Variants in SLC25A12 observed in about 807,000 individuals in gnomAD.
SLC25A12 encodes solute carrier family 25 member 12.
SLC25A12 carries 32 observed loss-of-function variants against 83.3 expected under a neutral mutation model. That is an observed-to-expected ratio of 0.38 (90% CI 0.29 to 0.52). SLC25A12 has a LOEUF of 0.52. Ranked by LOEUF, SLC25A12 falls within the 20% of genes least tolerant of loss-of-function variation. The pLI, the probability that SLC25A12 is intolerant of heterozygous loss-of-function variation, is 0.84. For missense variants in SLC25A12, 611 were observed against 835.6 expected (o/e 0.73, Z 3.31); for synonymous variants, 267 against 291.1 (o/e 0.92, Z 0.84).
chr2:171,844,576 CT>C, intron 4 of SLC25A12, 68 bp from the exon 5 acceptor site: 1 of 1,118,326 alleles, frequency 8.9e-7, no homozygotes, highest in Non-Finnish European at 1.3e-6. Flanking sequence ...TGCAATGTTC[CT>C]ACAGAAAAAA....
chr2:171,839,542 T>A (rs1330233990), intron 5 of SLC25A12, among the ~76,000 whole-genome samples: 1 of 152,182 alleles, frequency 6.6e-6, no homozygotes, highest in Admixed American at 6.5e-5. Context: ...TGTGACTGGA[T>A]GAGAGTGAAC....
chr2:171,841,143 G>GTCGC (rs1684664203), intron 5 of SLC25A12, among the ~76,000 whole-genome samples: 1 of 152,198 alleles, frequency 6.6e-6, no homozygotes, highest in African/African-American at 2.4e-5. Flanking sequence ...GCAGTGGCCT[G>GTCGC]TCCTTGGCTT....
intron 2 of SLC25A12, among the ~76,000 whole-genome samples, chr2:171,870,268 G>A (rs1685431544): frequency 6.6e-6 from 1 of 152,024 alleles, no homozygotes; most frequent in Non-Finnish European, 1.5e-5. Context: ...TCCATGACTT[G>A]GCTCAAAATA....
At chr2:171,789,896 CAA>C (rs1048907992) in intron 15 of SLC25A12, among the ~76,000 whole-genome samples, 2 of 138,024 alleles carry the variant, frequency 1.4e-5, no homozygotes, top group African/African-American at 5.3e-5. Context: ...TCTGTCTCAC[CAA>C]AAAAAAAAAA....
intron 2 of SLC25A12, among the ~76,000 whole-genome samples, chr2:171,885,027 C>T (rs1187628461): frequency 6.6e-6 from 1 of 151,984 alleles, no homozygotes. Context: ...TCCTGGCTAA[C>T]ACGGTGAAAC....
At chr2:171,811,030 T>G (rs938458886) in intron 11 of SLC25A12, among the ~76,000 whole-genome samples, 1 of 152,158 alleles carries the variant, frequency 6.6e-6, no homozygotes, top group African/African-American at 2.4e-5. Context: ...AATAAACAAT[T>G]CAACATCTGT....
rs12619067 is a variant in SLC25A12, at chr2:171,839,468, C to G, written c.466-2201G>C. Reference sequence around the variant, plus strand: ...GGCAGTTATGCTGAAGGGAAAGATCCTATGCCCTTGAAAATGCATTTCATC... The same window carrying G: ...GGCAGTTATGCTGAAGGGAAAGATCGTATGCCCTTGAAAATGCATTTCATC... On this transcript the variant is annotated intron_variant, in intron 5 of 17. Coordinates refer to ENST00000422440, the MANE Select transcript of SLC25A12 (RefSeq NM_003705.5). Among the ~76,000 whole-genome samples, 41 of 152,226 alleles carry G rather than the reference C, an allele frequency of 2.7e-4. 1 individual carries two copies. In the East Asian group the frequency reaches 7.5e-3, roughly 28 times the overall value.
chr2:171,888,158 AATG>A (rs1297133082), intron 2 of SLC25A12, among the ~76,000 whole-genome samples: 1 of 146,290 alleles, frequency 6.8e-6, no homozygotes, highest in Non-Finnish European at 1.5e-5. Context: ...GCAGTGGTAT[AATG>A]ATAACTCATT....
At chr2:171,820,623 GAGGCTGAGGC>G (rs992417728) in intron 9 of SLC25A12, among the ~76,000 whole-genome samples, 1 of 139,550 alleles carries the variant, frequency 7.2e-6, no homozygotes, top group African/African-American at 2.5e-5. Context: ...AGCTGCTTGG[GAGGCTGAGGC>G]AGGAGAATGG....
intron 3 of SLC25A12, among the ~76,000 whole-genome samples, chr2:171,867,916 C>T (rs1383149761): frequency 1.3e-5 from 2 of 152,180 alleles, no homozygotes; most frequent in East Asian, 1.9e-4. Context: ...GCAATCTCGG[C>T]GCACTGCAAG....
intron 2 of SLC25A12, among the ~76,000 whole-genome samples, chr2:171,885,287 C>A (rs1685793300): frequency 6.6e-6 from 1 of 150,946 alleles, no homozygotes; most frequent in Non-Finnish European, 1.5e-5. Flanking sequence ...GATTCAAGGA[C>A]AAAGTCTCAC....
In SLC25A12 at chr2:171,805,171, C is replaced by T. The variant is rs186646214; in HGVS notation, c.1305+4435G>A. Among the ~76,000 whole-genome samples the T allele has an allele frequency of 1.6e-3, 243 of 151,396 alleles. 1 individual carries two copies. The highest frequency in any genetic ancestry group is 5.6e-3 in the African/African-American group (232 of 41,278). ...TTGCCCAAGCTGGAGTGCAGTGGCA[C>T]GATCACAGCTCACTGCAACCTCCAC... On this transcript the variant is annotated intron_variant, in intron 13 of 17. Transcript: ENST00000422440.
At chr2:171,845,217 T>C (rs1225714456) in intron 4 of SLC25A12, among the ~76,000 whole-genome samples, 1 of 152,162 alleles carries the variant, frequency 6.6e-6, no homozygotes, top group Non-Finnish European at 1.5e-5. Context: ...TAGGAACTAG[T>C]CACACTGTGT....
intron 9 of SLC25A12, among the ~76,000 whole-genome samples, chr2:171,818,499 T>G (rs9636293): frequency 0.77 from 116,575 of 151,176 alleles, 45,966 homozygotes; most frequent in East Asian, 0.9. Context: ...GGTCTAGTGA[T>G]GTGGCTCATA....
chr2:171,810,864 G>C (rs1231287107), intron 11 of SLC25A12, among the ~76,000 whole-genome samples: 2 of 152,212 alleles, frequency 1.3e-5, no homozygotes, highest in Non-Finnish European at 2.9e-5. Context: ...TGTTTAACGA[G>C]TATCTCCTAT....
At chr2:171,890,985 A>T (rs1685921813) in intron 2 of SLC25A12, among the ~76,000 whole-genome samples, 1 of 152,238 alleles carries the variant, frequency 6.6e-6, no homozygotes, top group African/African-American at 2.4e-5. Flanking sequence ...TATGCAAAAC[A>T]GTAAATGAAA....
At chr2:171,793,212 T>C (rs1042496025) in intron 14 of SLC25A12, among the ~76,000 whole-genome samples, 33 of 152,024 alleles carry the variant, frequency 2.2e-4, no homozygotes, top group Non-Finnish European at 4.4e-4. Context: ...CTACTACTGT[T>C]TTACTGTGGT....
At chr2:171,849,558 CTTTTTTTTTTT>C (rs72304626) in intron 4 of SLC25A12, among the ~76,000 whole-genome samples, 22 of 114,588 alleles carry the variant, frequency 1.9e-4, no homozygotes, top group Non-Finnish European at 3.3e-4. Flanking sequence ...GTGGTGTGAT[CTTTTTTTTTTT>C]TTTTTTTTTG....
At chr2:171,844,835 G>C (rs1453090712) in intron 4 of SLC25A12, among the ~76,000 whole-genome samples, 1 of 152,018 alleles carries the variant, frequency 6.6e-6, no homozygotes, top group Non-Finnish European at 1.5e-5. Context: ...AAAATCAATA[G>C]TGTTTTCCCA....
Sources: allele counts gnomAD v4.1 joint callset (sites outside exome capture counted in the v4.1 genomes callset), GRCh38; gene constraint gnomAD v4.1.1; transcripts MANE v1.5; gene names NCBI Gene and HGNC (gene_info 2026-07-23, HGNC 2026-07-21).